The following ENTREP2 variants were observed in gnomAD, a reference collection of about 807,000 sequenced individuals.
The protein encoded by ENTREP2 is endosomal transmembrane epsin interactor 2, also known as protein ENTREP2.
At chr15:29,240,203 A>T in the ENTREP2 span, among the ~76,000 whole-genome samples, 143 of 152,136 alleles carry the variant, frequency 9.4e-4, no homozygotes, top group Non-Finnish European at 1.7e-3. Flanking sequence ...TCTCTACTAA[A>T]AATACAAAAA....
the ENTREP2 span, chr15:29,373,686 A>G: frequency 6.6e-6 from 1 of 151,112 alleles, no homozygotes; most frequent in East Asian, 1.9e-4. Flanking sequence ...TCTTTTGTAG[A>G]CAAATAAGAA....
the ENTREP2 span, among the ~76,000 whole-genome samples, chr15:29,444,210 G>GAAAGAAAGAAAGAAGA: frequency 6.9e-6 from 1 of 145,910 alleles, no homozygotes; most frequent in African/African-American, 2.7e-5. Flanking sequence ...AAGAAAGAAA[G>GAAAGAAAGAAAGAAGA]AAAGAAAGAA....
the ENTREP2 span, among the ~76,000 whole-genome samples, chr15:29,642,674 A>G: frequency 6.6e-6 from 1 of 151,826 alleles, no homozygotes; most frequent in African/African-American, 2.4e-5. Flanking sequence ...GTGCAGTGGC[A>G]CGATCTCGGC....
chr15:29,394,936 G>A, the ENTREP2 span, among the ~76,000 whole-genome samples: 1 of 137,288 alleles, frequency 7.3e-6, no homozygotes, highest in African/African-American at 2.8e-5. Flanking sequence ...CGCCCACGCC[G>A]GAGTGCAGTG....
At chr15:29,597,998 G>A in the ENTREP2 span, among the ~76,000 whole-genome samples, 3 of 152,124 alleles carry the variant, frequency 2.0e-5, no homozygotes, top group Non-Finnish European at 2.9e-5. Context: ...GGCATGCACC[G>A]TGTAGTCCCA....
the ENTREP2 span, among the ~76,000 whole-genome samples, chr15:29,526,997 C>T: frequency 1.2e-4 from 18 of 152,198 alleles, no homozygotes; most frequent in African/African-American, 4.1e-4. Context: ...TCTCAGTTGT[C>T]ACCAACCCAT....
At chr15:29,482,038 C>T in the ENTREP2 span, among the ~76,000 whole-genome samples, 11 of 151,926 alleles carry the variant, frequency 7.2e-5, no homozygotes, top group Admixed American at 6.6e-5. Context: ...GCTCTTGTTG[C>T]CCAGGCTGGA....
chr15:29,224,020 T>C, the ENTREP2 span, among the ~76,000 whole-genome samples: 1 of 152,224 alleles, frequency 6.6e-6, no homozygotes, highest in Admixed American at 6.5e-5. Flanking sequence ...TTGGTCGCAC[T>C]GACTTCCAGA....
chr15:29,437,134 C>T, the ENTREP2 span, among the ~76,000 whole-genome samples: 16 of 152,334 alleles, frequency 1.1e-4, no homozygotes, highest in Non-Finnish European at 2.2e-4. Context: ...TTCCGAACAT[C>T]TCCCACTAGT....
the ENTREP2 span, among the ~76,000 whole-genome samples, chr15:29,482,351 CATT>C: frequency 6.6e-6 from 1 of 152,072 alleles, no homozygotes; most frequent in South Asian, 2.1e-4. Flanking sequence ...ACTGACACAT[CATT>C]ATCACCCAAG....
chr15:29,356,669 A>T, the ENTREP2 span, among the ~76,000 whole-genome samples: 4 of 152,244 alleles, frequency 2.6e-5, no homozygotes, highest in South Asian at 6.2e-4. Flanking sequence ...GGATAAGTGC[A>T]TGAGAAGATA....
At chr15:29,343,027 T>TGGGGGGGGG in the ENTREP2 span, among the ~76,000 whole-genome samples, 5 of 130,866 alleles carry the variant, frequency 3.8e-5, no homozygotes, top group Non-Finnish European at 8.2e-5. Flanking sequence ...TAAAAAGGAA[T>TGGGGGGGGG]GGGGGGGGTG....
chr15:29,327,277 G>A, the ENTREP2 span, among the ~76,000 whole-genome samples: 3 of 152,036 alleles, frequency 2.0e-5, no homozygotes, highest in Non-Finnish European at 4.4e-5. Flanking sequence ...TCAACAATAA[G>A]AAAACAAAAT....
the ENTREP2 span, among the ~76,000 whole-genome samples, chr15:29,447,498 C>T: frequency 6.6e-6 from 1 of 152,172 alleles, no homozygotes; most frequent in Non-Finnish European, 1.5e-5. Context: ...CAGGGTCTCA[C>T]TCTGTTGCCC....
At chr15:29,587,536 G>A in the ENTREP2 span, among the ~76,000 whole-genome samples, 15 of 152,232 alleles carry the variant, frequency 9.9e-5, no homozygotes, top group South Asian at 3.1e-3. Flanking sequence ...AAACTCACTG[G>A]TTGCCCTCAG....
At chr15:29,553,036 C>T in the ENTREP2 span, among the ~76,000 whole-genome samples, 1 of 152,228 alleles carries the variant, frequency 6.6e-6, no homozygotes, top group African/African-American at 2.4e-5. Context: ...TGGCTCACGC[C>T]TGTAATCCCA....
the ENTREP2 span, among the ~76,000 whole-genome samples, chr15:29,441,616 T>C: frequency 1.3e-5 from 2 of 152,200 alleles, no homozygotes; most frequent in Non-Finnish European, 2.9e-5. Context: ...TGTACATATA[T>C]GCATATAGAC....
the ENTREP2 span, among the ~76,000 whole-genome samples, chr15:29,226,446 A>G: frequency 2.0e-5 from 3 of 152,252 alleles, no homozygotes; most frequent in African/African-American, 7.2e-5. Flanking sequence ...CAACGCACAA[A>G]TAGCTGTCAA....
chr15:29,195,169 G>A, the ENTREP2 span: 126 of 985,218 alleles, frequency 1.3e-4, no homozygotes, highest in Non-Finnish European at 1.5e-4. Flanking sequence ...CTCCAACCCC[G>A]CTGCATCTGT....
Sources: gnomAD v4.1 joint callset for allele counts (sites outside exome capture counted in the v4.1 genomes callset) on GRCh38, gnomAD v4.1.1 for gene constraint, MANE v1.5 for transcripts, NCBI Gene and HGNC (gene_info 2026-07-23, HGNC 2026-07-21) for gene names.